GNAT3: variants seen among roughly 807,000 people sequenced by gnomAD.
GNAT3 encodes the protein guanine nucleotide-binding protein G(t) subunit alpha-3.
Under a neutral mutation model 37.7 loss-of-function variants are expected in GNAT3, and 31 were observed. The ratio of observed to expected loss-of-function variants is 0.82; its 90% confidence interval spans 0.62 to 1.11. The LOEUF (loss-of-function observed/expected upper bound fraction) is 1.11. GNAT3 is among the 50% of genes most tolerant of loss of function. The pLI is 0.00. For missense variants in GNAT3, 437 were observed against 412.5 expected (o/e 1.06, Z -0.51); for synonymous variants, 138 against 139.8 (o/e 0.99, Z 0.09).
intron 7 of GNAT3, among the ~76,000 whole-genome samples, chr7:80,460,024 A>G (rs1790023547): frequency 1.3e-5 from 2 of 152,216 alleles, no homozygotes; most frequent in Admixed American, 6.5e-5. Flanking sequence ...AAGCTTGCAC[A>G]TGGATGTTTA....
chr7:80,479,001 A>G lies in GNAT3; in HGVS notation c.304-3T>C. ...GCATAAAGTTGTCGTTGGTCCTCCT[A>G]GAACAATATTTTGGTGAGAATAAGT... On this transcript the variant is annotated splice_polypyrimidine_tract_variant and splice_region_variant and intron_variant, in intron 3 of 7. Transcript: ENST00000398291. 1.3e-6 allele frequency: 2 copies of G among 1,586,384 alleles called. No homozygotes were observed. Among genetic ancestry groups the G allele is most frequent in the Admixed American group, 1.8e-5 (1 of 54,694 alleles).
chr7:80,479,710 C>CAAAAAAA (rs56730701), intron 3 of GNAT3, among the ~76,000 whole-genome samples: 1 of 79,460 alleles, frequency 1.3e-5, no homozygotes, highest in Admixed American at 1.5e-4. Flanking sequence ...GACCCTGTCT[C>CAAAAAAA]AAAAAAAAAA....
In GNAT3 at chr7:80,462,365, A is replaced by C. The variant is rs1790064807; in HGVS notation, c.721-53T>G. On this transcript the variant is annotated intron_variant, in intron 6 of 7. Transcript: ENST00000398291. ...TAGGATTATTATTTGCAAAATGTGA[A>C]TGTTGAGCATCATGAACAAGGATCT... is the stretch of plus-strand genomic sequence containing the variant. The C allele has an allele frequency of 3.2e-6, 5 of 1,570,372 alleles. No individual in the cohort carries two copies. In the South Asian group the frequency reaches 5.6e-5, roughly 18 times the overall value.
chr7:80,508,866 G>A (rs577364956), intron 1 of GNAT3, among the ~76,000 whole-genome samples: 96 of 152,080 alleles, frequency 6.3e-4, no homozygotes, highest in African/African-American at 2.1e-3. Context: ...TAAGCTTCTA[G>A]AAATTCATTA....
intron 3 of GNAT3, among the ~76,000 whole-genome samples, chr7:80,481,778 T>C (rs1030130714): frequency 6.6e-6 from 1 of 152,126 alleles, no homozygotes; most frequent in African/African-American, 2.4e-5. Context: ...AGGCTTCATC[T>C]ACATAATAAG....
chr7:80,469,521 T>C (rs760730857), intron 5 of GNAT3, among the ~76,000 whole-genome samples: 2 of 152,158 alleles, frequency 1.3e-5, no homozygotes, highest in Non-Finnish European at 2.9e-5. Context: ...CAGTTCTGGT[T>C]TGATAAGAAC....
rs138886389 is a variant in GNAT3, at chr7:80,479,354, C to G, written c.304-356G>C. Reference sequence around the variant, plus strand: ...ATACCAAGGTAAAATAAAAATTAAGCTGATTTAATCTGGTATCTTCTTCTT... The same window carrying G: ...ATACCAAGGTAAAATAAAAATTAAGGTGATTTAATCTGGTATCTTCTTCTT... On this transcript the variant is annotated intron_variant, in intron 3 of 7. Transcript: ENST00000398291. Among the ~76,000 whole-genome samples, 525 of 151,830 alleles carry G rather than the reference C, an allele frequency of 3.5e-3. 2 individuals are homozygous for G. The highest frequency in any genetic ancestry group is 0.012 in the African/African-American group (501 of 41,418).
At chr7:80,495,457 T>C (rs1420430700) in intron 1 of GNAT3, among the ~76,000 whole-genome samples, 2 of 151,466 alleles carry the variant, frequency 1.3e-5, no homozygotes, top group Non-Finnish European at 2.9e-5. Flanking sequence ...ACTGTAGTTT[T>C]TTTTTTTGGT....
chr7:80,494,792 A>G (rs546007571), intron 1 of GNAT3, 145 bp from the exon 2 acceptor site: 125 of 603,180 alleles, frequency 2.1e-4, no homozygotes, highest in African/African-American at 8.3e-4. Flanking sequence ...GATAAACTGC[A>G]TAGTGGTGAA....
intron 1 of GNAT3, 137 bp from the exon 2 acceptor site, chr7:80,494,784 T>C (rs1216527092): frequency 1.7e-6 from 1 of 605,070 alleles, no homozygotes; most frequent in Non-Finnish European, 3.0e-6. Context: ...GTTACATGGA[T>C]AAACTGCATA....
intron 1 of GNAT3, among the ~76,000 whole-genome samples, chr7:80,507,310 C>T (rs1475320800): frequency 2.0e-5 from 3 of 151,714 alleles, no homozygotes; most frequent in African/African-American, 7.3e-5. Flanking sequence ...CTCTCCCACT[C>T]ATATCTAGGG....
At chr7:80,487,032 C>G (rs536775059) in intron 3 of GNAT3, among the ~76,000 whole-genome samples, 5 of 152,148 alleles carry the variant, frequency 3.3e-5, no homozygotes, top group African/African-American at 1.2e-4. Context: ...TCATTAAATC[C>G]TTGAATAGCA....
chr7:80,488,510 C>G, intron 3 of GNAT3, 25 bp downstream of exon 3: 2 of 1,584,958 alleles, frequency 1.3e-6, no homozygotes, highest in Non-Finnish European at 1.7e-6. Context: ...GCAGGACATA[C>G]AGCTGTCATT....
intron 5 of GNAT3, among the ~76,000 whole-genome samples, chr7:80,473,826 G>A (rs1790257396): frequency 6.6e-6 from 1 of 152,032 alleles, no homozygotes; most frequent in South Asian, 2.1e-4. Context: ...TCTCATCTTG[G>A]TAATTTGCAT....
intron 5 of GNAT3, among the ~76,000 whole-genome samples, chr7:80,472,664 C>G (rs988095603): frequency 1.3e-5 from 2 of 152,048 alleles, no homozygotes; most frequent in Non-Finnish European, 2.9e-5. Context: ...TTTAGGTATT[C>G]AACAGGTAAC....
At chr7:80,482,954 C>G (rs1790416506) in intron 3 of GNAT3, among the ~76,000 whole-genome samples, 1 of 152,140 alleles carries the variant, frequency 6.6e-6, no homozygotes, top group African/African-American at 2.4e-5. Flanking sequence ...TTCAATCCTA[C>G]TACCTCCTAC....
Position 80,478,964 on chromosome 7 carries a change from G to A in GNAT3, c.338C>T (p.Thr113Ile), listed in dbSNP as rs763761945. ...DQRQLYAMANTLEDGGMTPQL... is the reference protein window; with the variant it reads ...DQRQLYAMANILEDGGMTPQL... The stretch of plus-strand genomic sequence containing the variant: ...AGGTGTCATGCCACCATCTTCCAGG[G>A]TATTTGCCATTGCATAAAGTTGTCG... Residue 113 changes from threonine (T) to isoleucine (I), a missense_variant, in exon 4 of 8, where the codon ACC (threonine) becomes ATC (isoleucine). Coordinates refer to ENST00000398291, the MANE Select transcript of GNAT3 (RefSeq NM_001102386.3). 3 of 1,611,778 alleles carry A rather than the reference G, an allele frequency of 1.9e-6. No homozygotes were observed. Among genetic ancestry groups the A allele is most frequent in the Non-Finnish European group, 2.5e-6 (3 of 1,178,974 alleles).
chr7:80,510,588 A>C (rs980050927), intron 1 of GNAT3, among the ~76,000 whole-genome samples: 15 of 152,132 alleles, frequency 9.9e-5, no homozygotes, highest in African/African-American at 3.6e-4. Context: ...GTTAGGAAGC[A>C]TATATTTCCT....
Position 80,494,650 on chromosome 7 carries a change from G to A in GNAT3, c.119-3C>T, listed in dbSNP as rs2116207972. 2 of 1,502,856 alleles carry A rather than the reference G, an allele frequency of 1.3e-6. No homozygotes were observed. Among genetic ancestry groups the A allele is most frequent in the East Asian group, 4.7e-5 (2 of 42,844 alleles). 93.1% of individuals were successfully genotyped at this position (1,502,856 alleles called of 1,614,324 possible). A position where few individuals can be genotyped will look rare whatever the true frequency, so the allele number is the denominator to read the frequency against. On this transcript the variant is annotated splice_region_variant and splice_polypyrimidine_tract_variant and intron_variant, in intron 1 of 7. Transcript: ENST00000398291. ...ACTTTTCCCAGATTCTCCTGCTCCT[G>A]CAACATAAAAAGAGGAATATTATTA...
Sources: allele counts gnomAD v4.1 joint callset (sites outside exome capture counted in the v4.1 genomes callset), GRCh38; gene constraint gnomAD v4.1.1; transcripts MANE v1.5; gene names NCBI Gene and HGNC (gene_info 2026-07-23, HGNC 2026-07-21).